Variants in SEL1L2 observed in about 807,000 individuals in gnomAD.
SEL1L2 encodes SEL1L2 adaptor subunit of SYVN1 ubiquitin ligase.
SEL1L2 carries 89 observed loss-of-function variants against 98.8 expected under a neutral mutation model. The observed-to-expected ratio is 0.90, with a 90% CI of 0.76 to 1.07. SEL1L2 has a LOEUF of 1.07. Ranked by LOEUF, SEL1L2 falls within the 50% of genes least tolerant of loss-of-function variation. SEL1L2 has a pLI of 0.00. For missense variants in SEL1L2, 788 were observed against 812.0 expected, an observed-to-expected ratio of 0.97 and a Z score of 0.36; for synonymous variants, 262 against 278.5, an observed-to-expected ratio of 0.94 and a Z score of 0.59.
intron 1 of SEL1L2, among the ~76,000 whole-genome samples, chr20:13,987,886 T>G (rs2052312083): frequency 6.6e-6 from 1 of 152,234 alleles, no homozygotes. Flanking sequence ...TGAATTCTCA[T>G]CAGATATATG....
intron 1 of SEL1L2, among the ~76,000 whole-genome samples, chr20:13,990,070 T>G (rs1754567738): frequency 6.6e-6 from 1 of 152,212 alleles, no homozygotes; most frequent in African/African-American, 2.4e-5. Flanking sequence ...GTGTAAATAT[T>G]TTAAAAAAGC....
chr20:13,905,336 G>A (rs1358627181), intron 5 of SEL1L2, among the ~76,000 whole-genome samples: 2 of 140,424 alleles, frequency 1.4e-5, no homozygotes, highest in African/African-American at 2.7e-5. Context: ...TTTTTGAGAC[G>A]GAGTCTCACT....
intron 2 of SEL1L2, among the ~76,000 whole-genome samples, chr20:13,936,152 A>T (rs1278647717): frequency 6.6e-6 from 1 of 152,148 alleles, no homozygotes; most frequent in Non-Finnish European, 1.5e-5. Context: ...AAGCTCTGAA[A>T]TAGCCTTTGC....
chr20:13,907,273 G>C (rs1319716147), intron 5 of SEL1L2, among the ~76,000 whole-genome samples: 1 of 152,018 alleles, frequency 6.6e-6, no homozygotes, highest in Non-Finnish European at 1.5e-5. Context: ...AACCAGAAAA[G>C]CATTTTTTGA....
At chr20:13,913,530 C>T (rs2048286801) in intron 5 of SEL1L2, 2 of 326,646 alleles carry the variant, frequency 6.1e-6, no homozygotes, top group Non-Finnish European at 1.1e-5. Flanking sequence ...AAACATGTCA[C>T]CCTAAGATAA....
intron 5 of SEL1L2, among the ~76,000 whole-genome samples, chr20:13,898,985 G>T (rs1234466031): frequency 6.6e-6 from 1 of 152,088 alleles, no homozygotes. Context: ...CAGGTGATAT[G>T]CCCACCTCAG....
rs148286005 is a variant in SEL1L2 at position 13,881,263 on chromosome 20, C to T, written c.958-3675G>A. ...TCTTGACCTCATGATCTGCCCGCCT[C>T]AGCTTCCCAAAGTACTGGGATTGCA... is the stretch of plus-strand genomic sequence containing the variant. On this transcript the variant is annotated intron_variant, in intron 10 of 19. Transcript: ENST00000284951. Among the ~76,000 whole-genome samples the T allele has an allele frequency of 2.9e-3, 447 of 152,300 alleles. 2 individuals are homozygous for T. The highest frequency in any genetic ancestry group is 0.01 in the African/African-American group (418 of 41,558).
At chr20:13,880,068 T>TA (rs1466909211) in intron 10 of SEL1L2, among the ~76,000 whole-genome samples, 1 of 152,242 alleles carries the variant, frequency 6.6e-6, no homozygotes, top group Non-Finnish European at 1.5e-5. Context: ...GTGTGGGCTA[T>TA]ATGTTAGGCA....
At chr20:13,876,933 C>A (rs901226037) in intron 11 of SEL1L2, among the ~76,000 whole-genome samples, 28 of 152,154 alleles carry the variant, frequency 1.8e-4, no homozygotes, top group African/African-American at 6.5e-4. Context: ...AAGTGATTCT[C>A]CTGCCTCAGC....
chr20:13,860,182 C>T (rs750867196), intron 17 of SEL1L2, among the ~76,000 whole-genome samples: 77 of 152,296 alleles, frequency 5.1e-4, no homozygotes, highest in Non-Finnish European at 9.4e-4. Flanking sequence ...CATTCAAACA[C>T]GCTCTGGCAT....
chr20:13,853,329 G>T (rs1988585546), intron 18 of SEL1L2, among the ~76,000 whole-genome samples: 1 of 151,608 alleles, frequency 6.6e-6, no homozygotes, highest in South Asian at 2.1e-4. Flanking sequence ...TTCCTGAGTA[G>T]CTGGGATTAC....
chr20:13,939,097 G>C lies in SEL1L2; in HGVS notation c.115-7326C>G, dbSNP rs2049622263. Among the ~76,000 whole-genome samples, 3 of 136,336 alleles carry C rather than the reference G, an allele frequency of 2.2e-5. No individual in the cohort carries two copies. In the Admixed American group the frequency reaches 2.4e-4, roughly 11 times the overall value. The allele number at this position is 136,336 out of a possible 152,430, so 89.4% of individuals were successfully genotyped here. On this transcript the variant is annotated intron_variant, in intron 2 of 19. Coordinates refer to ENST00000284951, the MANE Select transcript of SEL1L2 (RefSeq NM_025229.2). ...CTCGCCCTGTCACCTGGGCTGGAGT[G>C]CAATGGCGCAATCTCAGCTCACTGC...
At chr20:13,975,843 CTTTTG>C (rs1366092851) in intron 1 of SEL1L2, among the ~76,000 whole-genome samples, 5 of 152,060 alleles carry the variant, frequency 3.3e-5, no homozygotes, top group Admixed American at 2.6e-4. Context: ...GGTTGGGAAA[CTTTTG>C]TTTTGTTTTG....
intron 1 of SEL1L2, among the ~76,000 whole-genome samples, chr20:13,987,181 TA>T (rs1289874519): frequency 6.6e-6 from 1 of 152,082 alleles, no homozygotes; most frequent in Non-Finnish European, 1.5e-5. Context: ...ACCAACCTAA[TA>T]AATCTATATT....
At chr20:13,989,640 T>C (rs920804617) in intron 1 of SEL1L2, among the ~76,000 whole-genome samples, 14 of 152,242 alleles carry the variant, frequency 9.2e-5, no homozygotes, top group Non-Finnish European at 2.9e-5. Context: ...TTTCCTTCCA[T>C]TCTTAGTTTG....
intron 13 of SEL1L2, among the ~76,000 whole-genome samples, chr20:13,869,938 T>C (rs1028320998): frequency 2.6e-5 from 4 of 152,162 alleles, no homozygotes; most frequent in African/African-American, 9.7e-5. Flanking sequence ...TAAGCTATAA[T>C]TAGAATTACT....
chr20:13,908,649 T>C (rs532653199), intron 5 of SEL1L2, among the ~76,000 whole-genome samples: 1 of 152,358 alleles, frequency 6.6e-6, no homozygotes, highest in East Asian at 1.9e-4. Context: ...GGTATGATTG[T>C]TTGAAATTTC....
chr20:13,868,915 A>G (rs2046052531), intron 14 of SEL1L2, among the ~76,000 whole-genome samples: 1 of 151,570 alleles, frequency 6.6e-6, no homozygotes, highest in Non-Finnish European at 1.5e-5. Flanking sequence ...TGTTTTTTAA[A>G]CCAGGTTTCT....
intron 18 of SEL1L2, among the ~76,000 whole-genome samples, chr20:13,857,575 A>C (rs1855045095): frequency 6.6e-6 from 1 of 152,220 alleles, no homozygotes; most frequent in South Asian, 2.1e-4. Context: ...GGCCTCACCT[A>C]GGTGCGAATA....
Sources: allele counts gnomAD v4.1 joint callset (sites outside exome capture counted in the v4.1 genomes callset), GRCh38; gene constraint gnomAD v4.1.1; transcripts MANE v1.5; gene names NCBI Gene and HGNC (gene_info 2026-07-23, HGNC 2026-07-21).